Variants in CRISP2 observed in about 807,000 individuals in gnomAD.
The protein encoded by CRISP2 is cysteine rich secretory protein 2.
Under a neutral mutation model 31.7 loss-of-function variants are expected in CRISP2, and 29 were observed. The ratio of observed to expected loss-of-function variants is 0.92; its 90% CI spans 0.68 to 1.25. CRISP2 has a LOEUF of 1.25. Ranked by LOEUF, CRISP2 falls within the 50% of genes most tolerant of loss-of-function variation. The probability of loss-of-function intolerance (pLI) is 0.00; values close to 1 mark genes in which losing one functional copy is unlikely to be tolerated. For synonymous variants in CRISP2, 111 were observed against 101.4 expected (o/e 1.09, Z -0.57); for missense variants, 318 against 286.5 (o/e 1.11, Z -0.79).
chr6:49,692,358 G>A (rs113856808), downstream of CRISP2: 18 of 153,420 alleles, frequency 1.2e-4, no homozygotes, highest in Non-Finnish European at 1.9e-4. Flanking sequence ...TTAAGACAAC[G>A]GCAGATGTAA....
chr6:49,688,178 C>A (rs928264924), downstream of CRISP2, among the ~76,000 whole-genome samples: 1 of 152,120 alleles, frequency 6.6e-6, no homozygotes, highest in African/African-American at 2.4e-5. Flanking sequence ...AGTTTTACAT[C>A]TTTAAAACAA....
intron 3 of CRISP2, among the ~76,000 whole-genome samples, chr6:49,710,041 T>A (rs1452378596): frequency 1.3e-5 from 2 of 152,234 alleles, no homozygotes; most frequent in East Asian, 3.8e-4. Flanking sequence ...AATTGTTTAA[T>A]TTGTAAATTA....
At chr6:49,709,330 T>C in intron 3 of CRISP2, 125 bp from the exon 4 acceptor site, 1 of 815,062 alleles carries the variant, frequency 1.2e-6, no homozygotes, top group South Asian at 1.8e-5. Context: ...TCATTAACAA[T>C]GGAACAAAAG....
intron 4 of CRISP2, among the ~76,000 whole-genome samples, chr6:49,708,690 T>C (rs558404899): frequency 6.6e-6 from 1 of 152,290 alleles, no homozygotes; most frequent in East Asian, 1.9e-4. Context: ...AGAGAATAAG[T>C]TTTTGTTGTT....
At chr6:49,682,439 TTTCCCTTTC>T in the CRISP2 span, among the ~76,000 whole-genome samples, 2 of 151,628 alleles carry the variant, frequency 1.3e-5, no homozygotes, top group Non-Finnish European at 2.9e-5. Flanking sequence ...TCTTTCTCTC[TTTCCCTTTC>T]TTCCTTCCTT....
chr6:49,698,095 A>T, intron 7 of CRISP2, 138 bp from the exon 8 acceptor site: 2 of 743,484 alleles, frequency 2.7e-6, no homozygotes, highest in Non-Finnish European at 4.2e-6. Flanking sequence ...TATTGAACCA[A>T]AGTCATAAAC....
chr6:49,694,172 C>T (rs1582016043), intron 9 of CRISP2, among the ~76,000 whole-genome samples: 1 of 152,186 alleles, frequency 6.6e-6, no homozygotes, highest in African/African-American at 2.4e-5. Flanking sequence ...AGGTTTGCTG[C>T]AAACTTGGTT....
At chr6:49,689,340 A>C (rs1763979293), downstream of CRISP2, among the ~76,000 whole-genome samples, 1 of 152,164 alleles carries the variant, frequency 6.6e-6, no homozygotes, top group African/African-American at 2.4e-5. Context: ...GGTATTTATC[A>C]TATTGGGCTA....
intron 5 of CRISP2, 109 bp from the exon 6 acceptor site, chr6:49,700,000 A>T: frequency 1.1e-6 from 1 of 894,370 alleles, no homozygotes; most frequent in Non-Finnish European, 1.7e-6. Context: ...TGTATTCTCT[A>T]ATACTACTGT....
chr6:49,679,537 G>A, the CRISP2 span, among the ~76,000 whole-genome samples: 20 of 152,084 alleles, frequency 1.3e-4, no homozygotes, highest in Admixed American at 7.2e-4. Context: ...GTCCTGTCCT[G>A]GGTGGAATAT....
At chr6:49,695,551 A>G (rs1245272771) in intron 9 of CRISP2, among the ~76,000 whole-genome samples, 1 of 152,204 alleles carries the variant, frequency 6.6e-6, no homozygotes, top group Non-Finnish European at 1.5e-5. Flanking sequence ...CTATTTACCA[A>G]AATGGTATAT....
the CRISP2 span, among the ~76,000 whole-genome samples, chr6:49,683,674 AAAAAAAAAAAAAAAAAAAAAATAT>A: frequency 4.7e-5 from 1 of 21,078 alleles, no homozygotes; most frequent in African/African-American, 1.6e-4. Context: ...AAAAAAAAAA[AAAAAAAAAAAAAAAAAAAAAATAT>A]ATATATATAT....
intron 4 of CRISP2, among the ~76,000 whole-genome samples, chr6:49,706,754 T>G (rs1767101700): frequency 6.6e-6 from 1 of 152,200 alleles, no homozygotes; most frequent in East Asian, 1.9e-4. Flanking sequence ...CTGAGTTCAT[T>G]TAAGTCTCTC....
At chr6:49,711,760 T>C (rs1768055734) in intron 2 of CRISP2, among the ~76,000 whole-genome samples, 1 of 152,202 alleles carries the variant, frequency 6.6e-6, no homozygotes, top group African/African-American at 2.4e-5. Flanking sequence ...GGTGCATTCT[T>C]TGGAAACCAT....
At chr6:49,698,241 A>G in intron 7 of CRISP2, 121 bp downstream of exon 7, 1 of 1,176,628 alleles carries the variant, frequency 8.5e-7, no homozygotes, top group African/African-American at 1.6e-5. Context: ...CCAAATGCCA[A>G]GACTGTATTC....
chr6:49,697,563 C>T, intron 8 of CRISP2: 1 of 488,194 alleles, frequency 2.0e-6, no homozygotes, highest in South Asian at 1.9e-5. Flanking sequence ...GATACCAATT[C>T]TAGAGAAATA....
At chr6:49,698,544 A>G in intron 6 of CRISP2, 37 bp from the exon 7 acceptor site, 1 of 1,567,448 alleles carries the variant, frequency 6.4e-7, no homozygotes, top group Non-Finnish European at 8.6e-7. Flanking sequence ...GGTAATAAAC[A>G]TGCAATGGTA....
At chr6:49,706,136 A>G (rs1169270296) in intron 4 of CRISP2, among the ~76,000 whole-genome samples, 1 of 152,244 alleles carries the variant, frequency 6.6e-6, no homozygotes, top group Non-Finnish European at 1.5e-5. Flanking sequence ...CTACAAGCAT[A>G]CAAATTTAAA....
chr6:49,679,436 T>G, the CRISP2 span, among the ~76,000 whole-genome samples: 4 of 152,184 alleles, frequency 2.6e-5, no homozygotes, highest in Non-Finnish European at 4.4e-5. Context: ...AGCAATGTGA[T>G]AAAAATGTTG....
Sources: gnomAD v4.1 joint callset for allele counts (sites outside exome capture counted in the v4.1 genomes callset) on GRCh38, gnomAD v4.1.1 for gene constraint, MANE v1.5 for transcripts, NCBI Gene and HGNC (gene_info 2026-07-23, HGNC 2026-07-21) for gene names.